Variants in ANKS1B observed in about 807,000 individuals in gnomAD.
ANKS1B encodes ankyrin repeat and sterile alpha motif domain containing 1B.
In ANKS1B, 36 loss-of-function variants were observed where a neutral mutation model predicts 148.3. That is an observed-to-expected ratio of 0.24 (90% CI 0.19 to 0.32). The LOEUF is 0.32. ANKS1B is among the 10% of genes least tolerant of loss of function. The pLI, the probability that ANKS1B is intolerant of heterozygous loss-of-function variation, is 1.00. For synonymous variants in ANKS1B, 542 were observed against 560.8 expected (o/e 0.97, Z 0.47); for missense variants, 1,157 against 1,542.6 (o/e 0.75, Z 4.19).
At chr12:99,558,895 A>G (rs1398828512) in intron 9 of ANKS1B, among the ~76,000 whole-genome samples, 1 of 152,032 alleles carries the variant, frequency 6.6e-6, no homozygotes, top group Non-Finnish European at 1.5e-5. Context: ...CCTACAACCT[A>G]TCTAGGCAGC....
intron 1 of ANKS1B, among the ~76,000 whole-genome samples, chr12:99,866,684 A>G (rs1307318402): frequency 6.6e-6 from 1 of 152,178 alleles, no homozygotes; most frequent in Admixed American, 6.5e-5. Flanking sequence ...CAATGTGTCC[A>G]AAATTAATTG....
intron 24 of ANKS1B, among the ~76,000 whole-genome samples, chr12:98,775,855 C>T (rs1444730712): frequency 6.6e-6 from 1 of 152,152 alleles, no homozygotes; most frequent in Non-Finnish European, 1.5e-5. Context: ...AGCCTTCTCC[C>T]CGACTGTGGA....
At chr12:99,686,394 T>C (rs1340261984) in intron 8 of ANKS1B, among the ~76,000 whole-genome samples, 1 of 152,164 alleles carries the variant, frequency 6.6e-6, no homozygotes. Flanking sequence ...TACCTCATTG[T>C]AGCCAATCAG....
chr12:99,264,395 C>T (rs1025799748), intron 12 of ANKS1B, among the ~76,000 whole-genome samples: 1 of 152,012 alleles, frequency 6.6e-6, no homozygotes, highest in African/African-American at 2.4e-5. Flanking sequence ...TTCTACTTTA[C>T]TGACTTGGGT....
chr12:99,386,917 T>C (rs1031712546), intron 12 of ANKS1B, among the ~76,000 whole-genome samples: 2 of 152,182 alleles, frequency 1.3e-5, no homozygotes, highest in African/African-American at 4.8e-5. Context: ...AATAGGCACA[T>C]AGGTGGCAGA....
At chr12:99,423,215 T>G (rs1713644735) in intron 11 of ANKS1B, among the ~76,000 whole-genome samples, 3 of 152,004 alleles carry the variant, frequency 2.0e-5, no homozygotes, top group Admixed American at 6.6e-5. Flanking sequence ...TTTATAACAT[T>G]AAAATAAGAT....
chr12:99,412,565 CTT>C (rs1013714027), intron 11 of ANKS1B, among the ~76,000 whole-genome samples: 2 of 152,166 alleles, frequency 1.3e-5, no homozygotes, highest in Admixed American at 6.5e-5. Flanking sequence ...GCTTTTTCCT[CTT>C]GTTTTGTCTA....
At chr12:98,933,532 A>G (rs1040757040) in intron 17 of ANKS1B, among the ~76,000 whole-genome samples, 6 of 152,104 alleles carry the variant, frequency 3.9e-5, no homozygotes, top group African/African-American at 1.4e-4. Context: ...AGATTGCTGG[A>G]TCATGTGGTA....
At chr12:99,462,398 T>C (rs933494453) in intron 10 of ANKS1B, among the ~76,000 whole-genome samples, 2 of 152,216 alleles carry the variant, frequency 1.3e-5, no homozygotes, top group Non-Finnish European at 1.5e-5. Context: ...TAGGGAGCCT[T>C]TGGATGGCTA....
At chr12:98,928,308 C>T (rs2099810582) in intron 17 of ANKS1B, among the ~76,000 whole-genome samples, 1 of 149,838 alleles carries the variant, frequency 6.7e-6, no homozygotes, top group African/African-American at 2.4e-5. Flanking sequence ...AAACTTCCCA[C>T]AAAGAGAAGT....
chr12:98,864,738 T>TA (rs2099616026), intron 17 of ANKS1B, among the ~76,000 whole-genome samples: 3 of 152,202 alleles, frequency 2.0e-5, no homozygotes, highest in Admixed American at 2.0e-4. Flanking sequence ...AGAACCCTAA[T>TA]ACTGTGTCCA....
intron 17 of ANKS1B, among the ~76,000 whole-genome samples, chr12:98,857,732 T>G (rs536318002): frequency 6.6e-6 from 1 of 152,122 alleles, no homozygotes; most frequent in South Asian, 2.1e-4. Flanking sequence ...GAACTATTTA[T>G]GGGGGTCAGT....
chr12:99,899,878 A>G (rs2093526424), intron 1 of ANKS1B, among the ~76,000 whole-genome samples: 1 of 152,044 alleles, frequency 6.6e-6, no homozygotes, highest in South Asian at 2.1e-4. Context: ...TGGCAAACCA[A>G]AGTACTGTAA....
At chr12:99,937,906 T>C (rs555785957) in intron 1 of ANKS1B, among the ~76,000 whole-genome samples, 30 of 152,222 alleles carry the variant, frequency 2.0e-4, no homozygotes, top group African/African-American at 7.0e-4. Flanking sequence ...AAGTTATATA[T>C]AATAAGTGAA....
intron 1 of ANKS1B, among the ~76,000 whole-genome samples, chr12:99,908,740 C>G (rs1458050577): frequency 1.3e-5 from 2 of 152,056 alleles, no homozygotes; most frequent in Non-Finnish European, 1.5e-5. Context: ...CCTTTTTTAT[C>G]GTAAATACTT....
intron 16 of ANKS1B, among the ~76,000 whole-genome samples, chr12:99,059,806 T>TATATATATA (rs10526013): frequency 1.0e-4 from 15 of 144,660 alleles, no homozygotes; most frequent in Admixed American, 2.8e-4. Context: ...TATATATATA[T>TATATATATA]GATAGGACGT....
At chr12:98,818,172 C>CCTTG (rs1316861473) in intron 19 of ANKS1B, among the ~76,000 whole-genome samples, 1 of 1,276 alleles carries the variant, frequency 7.8e-4, no homozygotes, top group Admixed American at 0.014. Flanking sequence ...TCCCTCCCTC[C>CCTTG]CTTCCTTCCT....
chr12:99,741,579 G>GT (rs200589926), intron 8 of ANKS1B, among the ~76,000 whole-genome samples: 1,571 of 152,258 alleles, frequency 0.01, 41 homozygotes, highest in African/African-American at 0.035. Context: ...AAAAGGATGA[G>GT]TTCATGTCCT....
chr12:99,716,230 A>T (rs2153544205), intron 8 of ANKS1B, among the ~76,000 whole-genome samples: 2 of 151,112 alleles, frequency 1.3e-5, no homozygotes, highest in South Asian at 4.2e-4. Flanking sequence ...CTGCACCCCA[A>T]TTCCTTATTT....
Sources: gnomAD v4.1 joint callset for allele counts (sites outside exome capture counted in the v4.1 genomes callset) on GRCh38, gnomAD v4.1.1 for gene constraint, MANE v1.5 for transcripts, NCBI Gene and HGNC (gene_info 2026-07-23, HGNC 2026-07-21) for gene names.